Variants in BAZ1A observed in about 807,000 individuals in gnomAD.
BAZ1A encodes the protein bromodomain adjacent to zinc finger domain protein 1A.
In BAZ1A, 50 loss-of-function variants were observed where a neutral mutation model predicts 185.2. The ratio of observed to expected loss-of-function variants is 0.27; its 90% CI spans 0.22 to 0.34. BAZ1A has a LOEUF of 0.34. Ranked by LOEUF, BAZ1A falls within the 10% of genes least tolerant of loss-of-function variation. BAZ1A has a pLI of 1.00. For missense variants in BAZ1A, 1,356 were observed against 1,839.9 expected (o/e 0.74, Z 4.81); for synonymous variants, 571 against 615.6 (o/e 0.93, Z 1.07).
Position 34,874,633 on chromosome 14 carries a change from C to A in BAZ1A, c.-29G>T. ...CCGTCCGCCCGCGGGCTCGCCTGGA[C>A]CCTCGGCCGCCCGCGCCGGCCCCGC... On this transcript the variant is annotated 5_prime_UTR_variant, in exon 2 of 27. Transcript: ENST00000360310. This position sits in a 1 kb window ranked among gnomAD's most constrained non-coding sequence, Gnocchi z 4.7. The A allele has an allele frequency of 3.9e-6, 6 of 1,554,214 alleles. No individual in the cohort carries two copies. The highest frequency in any genetic ancestry group is 5.3e-6 in the Non-Finnish European group (6 of 1,140,868).
chr14:34,839,952 T>A (rs904175324), intron 3 of BAZ1A, among the ~76,000 whole-genome samples: 3 of 151,836 alleles, frequency 2.0e-5, no homozygotes, highest in Non-Finnish European at 4.4e-5. Context: ...CCAAAAAGGG[T>A]GAATTTTAGC....
At chr14:34,872,941 A>AAAAAACAAAAACAAAAAAAAAAACAAC (rs1555346584) in intron 2 of BAZ1A, among the ~76,000 whole-genome samples, 1 of 122,620 alleles carries the variant, frequency 8.2e-6, no homozygotes, top group Admixed American at 8.4e-5. Flanking sequence ...AAAAAAAAAA[A>AAAAAACAAAAACAAAAAAAAAAACAAC]CTTGTCCAAT....
chr14:34,767,926 AAATT>A (rs749634388), intron 21 of BAZ1A, among the ~76,000 whole-genome samples: 1 of 152,348 alleles, frequency 6.6e-6, no homozygotes, highest in Non-Finnish European at 1.5e-5. Flanking sequence ...TGGTTTAAGA[AAATT>A]AAACCAGCAG....
chr14:34,807,643 G>A, intron 5 of BAZ1A, 105 bp from the exon 6 acceptor site: 1 of 685,498 alleles, frequency 1.5e-6, no homozygotes, highest in Non-Finnish European at 2.4e-6. Flanking sequence ...AGAAAGCCTA[G>A]GAATCAAAGG....
intron 3 of BAZ1A, among the ~76,000 whole-genome samples, chr14:34,844,703 A>C (rs2042475519): frequency 1.3e-5 from 2 of 151,778 alleles, no homozygotes; most frequent in Admixed American, 1.3e-4. Context: ...CAGAAGTTCG[A>C]GGTTACAGAG....
intron 25 of BAZ1A, among the ~76,000 whole-genome samples, chr14:34,755,193 A>G (rs781122830): frequency 3.9e-5 from 6 of 152,228 alleles, no homozygotes; most frequent in Non-Finnish European, 5.9e-5. Flanking sequence ...TGCATTTGTA[A>G]TAATGAATAA....
rs1225667084 is a variant in BAZ1A, at chr14:34,825,970, G to A, written c.536+43C>T. 5 of 1,481,500 alleles carry A rather than the reference G, an allele frequency of 3.4e-6. No individual in the cohort carries two copies. The Admixed American group carries it at 1.3e-4, about 37-fold the overall frequency. The allele number at this position is 1,481,500 out of a possible 1,614,324, so 91.8% of individuals were successfully genotyped here. Reference sequence around the variant, plus strand: ...AAGTTATTTCAATGGAATATCATTAGGCAATCTGCCAAATAATTTAAAAAT... The same window carrying A: ...AAGTTATTTCAATGGAATATCATTAAGCAATCTGCCAAATAATTTAAAAAT... On this transcript the variant is annotated intron_variant, in intron 4 of 26. Coordinates refer to ENST00000360310, the MANE Select transcript of BAZ1A (RefSeq NM_013448.3).
In BAZ1A at chr14:34,868,714, T is replaced by C. The variant is rs146857675; in HGVS notation, c.113+5778A>G. Among the ~76,000 whole-genome samples, 33 of 151,688 alleles carry C rather than the reference T, an allele frequency of 2.2e-4. No individual in the cohort carries two copies. The East Asian group carries it at 5.8e-3, about 27-fold the overall frequency. On this transcript the variant is annotated intron_variant, in intron 2 of 26. Coordinates refer to ENST00000360310, the MANE Select transcript of BAZ1A (RefSeq NM_013448.3). ...TACTCGGGACGCTGAGGTGGGAGAA[T>C]CGCTTGAACCAGGGTGGCAGAGGTT...
chr14:34,772,045 C>A (rs1463507251), intron 20 of BAZ1A, among the ~76,000 whole-genome samples: 1 of 151,918 alleles, frequency 6.6e-6, no homozygotes, highest in Non-Finnish European at 1.5e-5. Context: ...AGCTCTGCCT[C>A]CCGGGTTCAC....
chr14:34,795,936 G>T (rs1881166791), intron 9 of BAZ1A, among the ~76,000 whole-genome samples, 171 bp from the exon 10 acceptor site: 1 of 152,034 alleles, frequency 6.6e-6, no homozygotes, highest in Non-Finnish European at 1.5e-5. Flanking sequence ...AGCCCTTCTG[G>T]TGGTTTTTAA....
intron 2 of BAZ1A, among the ~76,000 whole-genome samples, chr14:34,862,841 G>A (rs1028403192): frequency 6.6e-6 from 1 of 151,408 alleles, no homozygotes; most frequent in Non-Finnish European, 1.5e-5. Flanking sequence ...ACCTATAGAA[G>A]CATAGGTTTC....
At chr14:34,851,827 G>T (rs541730958) in intron 3 of BAZ1A, among the ~76,000 whole-genome samples, 1 of 152,100 alleles carries the variant, frequency 6.6e-6, no homozygotes, top group Non-Finnish European at 1.5e-5. Flanking sequence ...TTTGCATGGC[G>T]TTCTTAGAAG....
chr14:34,806,890 C>T (rs995821398), intron 6 of BAZ1A, among the ~76,000 whole-genome samples: 8 of 151,634 alleles, frequency 5.3e-5, no homozygotes, highest in African/African-American at 1.9e-4. Context: ...GCTGGGACTA[C>T]AGTTACCCAC....
At chr14:34,760,683 T>C (rs1428138704) in intron 24 of BAZ1A, among the ~76,000 whole-genome samples, 1 of 151,246 alleles carries the variant, frequency 6.6e-6, no homozygotes, top group Non-Finnish European at 1.5e-5. Context: ...CAAGACCCCA[T>C]CTCTACAAAG....
intron 14 of BAZ1A, 149 bp from the exon 15 acceptor site, chr14:34,784,076 A>C (rs1880239020): frequency 4.1e-6 from 3 of 739,876 alleles, no homozygotes; most frequent in Admixed American, 3.5e-5. Context: ...CTTCAGGAAA[A>C]AGCAATTATG....
chr14:34,762,178 T>A lies in BAZ1A; in HGVS notation c.3822A>T (p.Thr1274=). ...AGAAAGAAGAGCTAAGTTTCCCTCT[T>A]GTTTTAACTGGCAATCTAACTTGTG... ...GRPQVRLPVK[T]RGKLSSSFSS... The change falls in exon 24 of 27, where the codon ACA becomes ACT. Residue 1274 remains threonine (T), a synonymous_variant. Transcript: ENST00000360310. 1 of 1,614,194 alleles carries A rather than the reference T, an allele frequency of 6.2e-7. No homozygotes were observed. Among genetic ancestry groups the A allele is most frequent in the Non-Finnish European group, 8.5e-7 (1 of 1,180,020 alleles).
At chr14:34,853,503 G>A (rs1197580092) in intron 3 of BAZ1A, among the ~76,000 whole-genome samples, 2 of 152,182 alleles carry the variant, frequency 1.3e-5, no homozygotes, top group Non-Finnish European at 2.9e-5. Flanking sequence ...GACAAGGGAA[G>A]GTCAGGCGCA....
intron 3 of BAZ1A, among the ~76,000 whole-genome samples, chr14:34,835,056 G>T (rs1018358695): frequency 6.6e-6 from 1 of 150,748 alleles, no homozygotes; most frequent in African/African-American, 2.5e-5. Flanking sequence ...TTCCGGCTCA[G>T]ATTTTTTTTT....
At chr14:34,764,669 A>G in intron 23 of BAZ1A, 38 bp downstream of exon 23, 1 of 1,559,830 alleles carries the variant, frequency 6.4e-7, no homozygotes, top group Non-Finnish European at 8.7e-7. Context: ...TGTCTAACTA[A>G]GACTTACTGA....
Sources: gnomAD v4.1 joint callset for allele counts (sites outside exome capture counted in the v4.1 genomes callset) on GRCh38, gnomAD v4.1.1 for gene constraint, Gnocchi (gnomAD v3.1) non-coding constraint, MANE v1.5 for transcripts, NCBI Gene and HGNC (gene_info 2026-07-23, HGNC 2026-07-21) for gene names.